CACNA1D: variants seen among roughly 807,000 people sequenced by gnomAD.
The protein encoded by CACNA1D is voltage-dependent L-type calcium channel subunit alpha-1D.
Under a neutral mutation model 257.1 loss-of-function variants are expected in CACNA1D, and 55 were observed. That is an observed-to-expected ratio of 0.21 (90% CI 0.17 to 0.27). The LOEUF is 0.27. CACNA1D is among the 10% of genes least tolerant of loss of function. The pLI, the probability that CACNA1D is intolerant of heterozygous loss-of-function variation, is 1.00. For synonymous variants in CACNA1D, 980 were observed against 1,014.9 expected (o/e 0.97, Z 0.65); for missense variants, 1,876 against 2,784.0 (o/e 0.67, Z 7.34).
In CACNA1D at chr3:53,497,125, A is replaced by T. The variant is rs764380630; in HGVS notation, c.68-27A>T. ...CACTGGATCCTCATTTAAAAAAAAA[A>T]ATCTTTGTTTTTCTCCTTCTCCCCA... On this transcript the variant is annotated intron_variant, in intron 1 of 47. Transcript: ENST00000350061. The T allele has an allele frequency of 2.5e-6, 4 of 1,604,760 alleles. No homozygotes were observed. The South Asian group carries it at 4.4e-5, about 18-fold the overall frequency.
At chr3:53,804,427 C>G (rs1363144570) in intron 44 of CACNA1D, among the ~76,000 whole-genome samples, 1 of 152,230 alleles carries the variant, frequency 6.6e-6, no homozygotes, top group Non-Finnish European at 1.5e-5. Context: ...GCCTCATCCC[C>G]CCTGTCGAGG....
intron 3 of CACNA1D, among the ~76,000 whole-genome samples, chr3:53,520,885 TCTTTCTTTCTTTTCTTTTC>T (rs1335806338): frequency 2.0e-4 from 15 of 74,412 alleles, no homozygotes; most frequent in South Asian, 8.9e-4. Context: ...TTTCTTTCTT[TCTTTCTTTCTTTTCTTTTC>T]TTTTCTTTTC....
chr3:53,566,307 G>A (rs935615625), intron 3 of CACNA1D, among the ~76,000 whole-genome samples: 1 of 152,122 alleles, frequency 6.6e-6, no homozygotes, highest in African/African-American at 2.4e-5. Context: ...CTGTTCTTCA[G>A]AATGCCAGGC....
At chr3:53,727,772 T>C (rs1005925023) in intron 15 of CACNA1D, among the ~76,000 whole-genome samples, 1 of 152,154 alleles carries the variant, frequency 6.6e-6, no homozygotes, top group African/African-American at 2.4e-5. Flanking sequence ...GTTTTCACCC[T>C]TCCATTTTAA....
chr3:53,559,280 C>T (rs2107626409), intron 3 of CACNA1D, among the ~76,000 whole-genome samples: 1 of 152,176 alleles, frequency 6.6e-6, no homozygotes, highest in East Asian at 1.9e-4. Flanking sequence ...AAAATAGGTA[C>T]TTTAAATTAT....
chr3:53,708,088 C>T (rs556889611), intron 9 of CACNA1D, among the ~76,000 whole-genome samples: 2 of 152,326 alleles, frequency 1.3e-5, no homozygotes, highest in African/African-American at 2.4e-5. Flanking sequence ...GCCCTAGCTG[C>T]CTCTCTTTTG....
At chr3:53,747,500 C>A in intron 26 of CACNA1D, 52 bp downstream of exon 26, 1 of 1,574,272 alleles carries the variant, frequency 6.4e-7, no homozygotes, top group Non-Finnish European at 8.7e-7. Context: ...GTGCCCAGGG[C>A]TGAGCCCTCC....
At chr3:53,676,318 C>T (rs1232242042) in intron 8 of CACNA1D, among the ~76,000 whole-genome samples, 1 of 152,140 alleles carries the variant, frequency 6.6e-6, no homozygotes, top group Non-Finnish European at 1.5e-5. Flanking sequence ...CTGCTACTCC[C>T]CTCTTACTTT....
chr3:53,511,432 G>C (rs980080281), intron 3 of CACNA1D, among the ~76,000 whole-genome samples: 2 of 152,124 alleles, frequency 1.3e-5, no homozygotes, highest in Admixed American at 6.5e-5. Context: ...ATTCAGAGCA[G>C]CACTTTCTAG....
At chr3:53,629,163 C>T (rs6762231) in intron 3 of CACNA1D, among the ~76,000 whole-genome samples, 51,081 of 152,002 alleles carry the variant, frequency 0.34, 9,547 homozygotes, top group South Asian at 0.49. Flanking sequence ...GCTTTATTTA[C>T]GAAAACCTGG....
chr3:53,563,946 T>C (rs754907316), intron 3 of CACNA1D, among the ~76,000 whole-genome samples: 4 of 152,220 alleles, frequency 2.6e-5, no homozygotes, highest in African/African-American at 4.8e-5. Flanking sequence ...TATTGGATGA[T>C]GCCTAGTTGT....
intron 14 of CACNA1D, 74 bp downstream of exon 14, chr3:53,724,073 C>A: frequency 8.4e-7 from 1 of 1,187,560 alleles, no homozygotes; most frequent in South Asian, 1.2e-5. Flanking sequence ...CTTGTCTGCT[C>A]ACACTCAGGA....
chr3:53,807,403 C>G (rs2095572265), intron 45 of CACNA1D: 1 of 152,314 alleles, frequency 6.6e-6, no homozygotes, highest in African/African-American at 2.4e-5. Flanking sequence ...TGTCTCGTTC[C>G]TCTCTGCTGG....
intron 3 of CACNA1D, among the ~76,000 whole-genome samples, chr3:53,640,826 GAA>G (rs1160619377): frequency 6.6e-6 from 1 of 152,204 alleles, no homozygotes; most frequent in African/African-American, 2.4e-5. Flanking sequence ...GGTGCCAGGA[GAA>G]AGAGTGCCGT....
intron 20 of CACNA1D, among the ~76,000 whole-genome samples, chr3:53,736,358 T>C (rs143259023): frequency 6.6e-6 from 1 of 152,000 alleles, no homozygotes; most frequent in African/African-American, 2.4e-5. Flanking sequence ...AAAAAAAGAA[T>C]ATATAATGAA....
chr3:53,759,421 C>A (rs1322402758), intron 29 of CACNA1D, among the ~76,000 whole-genome samples: 1 of 152,198 alleles, frequency 6.6e-6, no homozygotes, highest in African/African-American at 2.4e-5. Context: ...TGGGAAATGA[C>A]ATAAATAATG....
At chr3:53,731,646 G>A (rs538084669) in intron 17 of CACNA1D, among the ~76,000 whole-genome samples, 73 of 152,330 alleles carry the variant, frequency 4.8e-4, no homozygotes, top group Non-Finnish European at 9.3e-4. Flanking sequence ...ATCAGACACT[G>A]AGGATTCAGG....
chr3:53,684,621 C>T, intron 8 of CACNA1D, among the ~76,000 whole-genome samples: 1 of 84,528 alleles, frequency 1.2e-5, no homozygotes, highest in African/African-American at 5.3e-5. Flanking sequence ...GAAACTCTGT[C>T]AAAAAAAAAA....
chr3:53,799,662 C>T (rs2095526219), intron 40 of CACNA1D, among the ~76,000 whole-genome samples: 2 of 152,202 alleles, frequency 1.3e-5, no homozygotes, highest in South Asian at 4.1e-4. Flanking sequence ...GTGTGCGTGT[C>T]AGTCTGCTCC....
Sources: gnomAD v4.1 joint callset for allele counts (sites outside exome capture counted in the v4.1 genomes callset) on GRCh38, gnomAD v4.1.1 for gene constraint, MANE v1.5 for transcripts, NCBI Gene and HGNC (gene_info 2026-07-23, HGNC 2026-07-21) for gene names.